Variants in THRB observed in about 807,000 individuals in gnomAD.
The protein encoded by THRB is thyroid hormone receptor beta.
Under a neutral mutation model 47.8 loss-of-function variants are expected in THRB, and 12 were observed. That is an observed-to-expected ratio of 0.25 (90% CI 0.16 to 0.41). The LOEUF is 0.41. Ranked by LOEUF, THRB falls within the 10% of genes least tolerant of loss-of-function variation. The pLI is 1.00. For missense variants in THRB, 348 were observed against 589.2 expected (o/e 0.59, Z 4.24); for synonymous variants, 218 against 212.2 (o/e 1.03, Z -0.24).
At chr3:24,208,451 C>G (rs1165966580) in intron 4 of THRB, among the ~76,000 whole-genome samples, 1 of 152,176 alleles carries the variant, frequency 6.6e-6, no homozygotes, top group Non-Finnish European at 1.5e-5. Flanking sequence ...TCAAACTATA[C>G]TACAAGGCTA....
chr3:24,279,546 G>A (rs1352980179), intron 3 of THRB, among the ~76,000 whole-genome samples: 3 of 134,586 alleles, frequency 2.2e-5, no homozygotes, highest in African/African-American at 8.2e-5. Flanking sequence ...CACCACGGCT[G>A]GCTAATTTTT....
At chr3:24,138,833 A>G (rs1294848534) in intron 8 of THRB, among the ~76,000 whole-genome samples, 1 of 152,204 alleles carries the variant, frequency 6.6e-6, no homozygotes, top group Admixed American at 6.5e-5. Flanking sequence ...CCAGGGAAAA[A>G]GTAGGAAAGG....
At chr3:24,478,454 G>T (rs770164329) in intron 1 of THRB, among the ~76,000 whole-genome samples, 1 of 152,132 alleles carries the variant, frequency 6.6e-6, no homozygotes, top group Non-Finnish European at 1.5e-5. Flanking sequence ...TAGCTAATTT[G>T]CCATAACATA....
chr3:24,236,391 G>C (rs1242445769), intron 3 of THRB, among the ~76,000 whole-genome samples: 3 of 152,122 alleles, frequency 2.0e-5, no homozygotes, highest in Non-Finnish European at 4.4e-5. Flanking sequence ...AAAGCAATTG[G>C]AAAATGCCTG....
chr3:24,318,207 G>T (rs1011475642), intron 2 of THRB, among the ~76,000 whole-genome samples: 1 of 152,188 alleles, frequency 6.6e-6, no homozygotes, highest in Non-Finnish European at 1.5e-5. Context: ...GAGTCTCTGG[G>T]TTGAAATTCT....
chr3:24,235,701 C>T (rs961920607), intron 3 of THRB, among the ~76,000 whole-genome samples: 3 of 151,892 alleles, frequency 2.0e-5, no homozygotes, highest in Admixed American at 1.3e-4. Context: ...TATTACATAC[C>T]CTAGCCCAAG....
chr3:24,352,852 T>C (rs2063439825), intron 1 of THRB, among the ~76,000 whole-genome samples: 1 of 152,218 alleles, frequency 6.6e-6, no homozygotes, highest in African/African-American at 2.4e-5. Context: ...ATTCAATTTC[T>C]TTTTTATTCT....
chr3:24,432,531 TGAGAA>T (rs1255929669), intron 1 of THRB, among the ~76,000 whole-genome samples: 1 of 152,106 alleles, frequency 6.6e-6, no homozygotes, highest in Non-Finnish European at 1.5e-5. Context: ...ATATATTTTA[TGAGAA>T]GTATTTGAAA....
At chr3:24,159,785 C>T (rs1324860580) in intron 5 of THRB, among the ~76,000 whole-genome samples, 1 of 149,068 alleles carries the variant, frequency 6.7e-6, no homozygotes, top group Non-Finnish European at 1.5e-5. Context: ...TACTGGTGTC[C>T]AGTGGGAAGA....
chr3:24,301,826 C>T (rs1246976523), intron 2 of THRB, among the ~76,000 whole-genome samples: 2 of 152,158 alleles, frequency 1.3e-5, no homozygotes, highest in African/African-American at 4.8e-5. Context: ...CAGGTAGGCC[C>T]AATCTAGTCA....
rs555295540 is a variant in THRB at position 24,439,922 on chromosome 3, A to T, written c.-261+54730T>A. Among the ~76,000 whole-genome samples, 4 of 152,324 alleles carry T rather than the reference A, an allele frequency of 2.6e-5. No homozygotes were observed. In the South Asian group the frequency reaches 8.3e-4, roughly 32 times the overall value. ...CATGACCCCATTTAAGGAGGTGCCC[A>T]GAACTACCCAGGAGTCATGTGACCC... is the stretch of plus-strand genomic sequence containing the variant. On this transcript the variant is annotated intron_variant, in intron 1 of 10. Coordinates refer to ENST00000646209, the MANE Select transcript of THRB (RefSeq NM_001354712.2).
At chr3:24,315,752 C>A (rs7640580) in intron 2 of THRB, among the ~76,000 whole-genome samples, 106,201 of 152,050 alleles carry the variant, frequency 0.7, 37,585 homozygotes, top group African/African-American at 0.81. Flanking sequence ...TCTCAACTCC[C>A]ATATACTTAC....
intron 4 of THRB, among the ~76,000 whole-genome samples, chr3:24,220,824 C>G (rs1242529777): frequency 6.8e-6 from 1 of 146,054 alleles, no homozygotes; most frequent in African/African-American, 2.6e-5. Context: ...AAGAAAGAAA[C>G]ATAATCACCA....
chr3:24,489,158 C>G (rs1697759117), intron 1 of THRB, among the ~76,000 whole-genome samples: 1 of 151,778 alleles, frequency 6.6e-6, no homozygotes, highest in Non-Finnish European at 1.5e-5. Context: ...ACAAGAATCC[C>G]TTGAACCTAG....
intron 3 of THRB, among the ~76,000 whole-genome samples, chr3:24,241,874 G>A (rs1449817950): frequency 2.6e-5 from 4 of 152,124 alleles, no homozygotes; most frequent in Admixed American, 2.6e-4. Context: ...GCACACTTGA[G>A]TGTGAGAACT....
intron 1 of THRB, among the ~76,000 whole-genome samples, chr3:24,429,529 G>A (rs1438692393): frequency 6.6e-6 from 1 of 151,956 alleles, no homozygotes; most frequent in Non-Finnish European, 1.5e-5. Flanking sequence ...ATCTCCCATT[G>A]AGCTCTGTCC....
intron 1 of THRB, among the ~76,000 whole-genome samples, chr3:24,460,998 A>G (rs1038180502): frequency 5.2e-4 from 79 of 152,326 alleles, no homozygotes; most frequent in Non-Finnish European, 1.0e-3. Context: ...TTTGCAGGCT[A>G]GAGGCTATGT....
rs150844457 is a variant in THRB at position 24,278,548 on chromosome 3, G to C, written c.-43+18678C>G. Among the ~76,000 whole-genome samples the C allele has an allele frequency of 5.8e-3, 878 of 152,248 alleles. 14 individuals are homozygous for C. Among genetic ancestry groups the C allele is most frequent in the African/African-American group, 0.02 (825 of 41,552 alleles). On this transcript the variant is annotated intron_variant, in intron 3 of 10. Transcript: ENST00000646209. ...TTATCATTTATACAAAATGATGACA[G>C]ATTTTTCACTTACAAAGAACCTAGG... is the stretch of plus-strand genomic sequence containing the variant.
At chr3:24,383,336 G>T (rs1175758309) in intron 1 of THRB, among the ~76,000 whole-genome samples, 2 of 152,032 alleles carry the variant, frequency 1.3e-5, no homozygotes, top group East Asian at 3.9e-4. Flanking sequence ...CCATTCTTTA[G>T]CTGTATTAAA....
Sources: allele counts gnomAD v4.1 joint callset (sites outside exome capture counted in the v4.1 genomes callset), GRCh38; gene constraint gnomAD v4.1.1; transcripts MANE v1.5; gene names NCBI Gene and HGNC (gene_info 2026-07-23, HGNC 2026-07-21).